Variants in ATG7 observed in about 807,000 individuals in gnomAD.
The protein encoded by ATG7 is ubiquitin-like modifier-activating enzyme ATG7.
ATG7 carries 70 observed loss-of-function variants against 82.4 expected under a neutral mutation model. The ratio of observed to expected loss-of-function variants is 0.85; its 90% CI spans 0.70 to 1.04. The LOEUF is 1.04. ATG7 is among the 50% of genes least tolerant of loss of function. The pLI, the probability that ATG7 is intolerant of heterozygous loss-of-function variation, is 0.00. For synonymous variants in ATG7, 287 were observed against 313.0 expected (o/e 0.92, Z 0.88); for missense variants, 792 against 864.3 (o/e 0.92, Z 1.05).
chr3:11,538,104 T>C (rs574582573), intron 20 of ATG7, among the ~76,000 whole-genome samples: 1 of 152,300 alleles, frequency 6.6e-6, no homozygotes, highest in African/African-American at 2.4e-5. Flanking sequence ...CTGACAGATG[T>C]TCCTGAGGGC....
intron 20 of ATG7, among the ~76,000 whole-genome samples, chr3:11,485,933 T>A (rs375280188): frequency 6.6e-6 from 1 of 152,180 alleles, no homozygotes; most frequent in African/African-American, 2.4e-5. Flanking sequence ...CATGCTGTTT[T>A]GGTTACTGTA....
At chr3:11,422,126 A>G (rs979971591) in intron 19 of ATG7, among the ~76,000 whole-genome samples, 1 of 152,358 alleles carries the variant, frequency 6.6e-6, no homozygotes, top group South Asian at 2.1e-4. Context: ...CATTGGCTTC[A>G]ACTTAAAAGT....
intron 20 of ATG7, among the ~76,000 whole-genome samples, chr3:11,474,333 T>A (rs1303136777): frequency 1.3e-5 from 2 of 152,254 alleles, no homozygotes; most frequent in Admixed American, 1.3e-4. Context: ...GTGCGGTGTT[T>A]CACACCTGTA....
chr3:11,486,089 G>A (rs1183207014), intron 20 of ATG7, among the ~76,000 whole-genome samples: 2 of 152,170 alleles, frequency 1.3e-5, no homozygotes, highest in African/African-American at 4.8e-5. Context: ...AAGGTCCTTG[G>A]TAGCTTGATG....
At chr3:11,479,281 T>C (rs1000136692) in intron 20 of ATG7, among the ~76,000 whole-genome samples, 3 of 152,344 alleles carry the variant, frequency 2.0e-5, no homozygotes, top group African/African-American at 4.8e-5. Flanking sequence ...ATTTTTTCTT[T>C]AGGTGAACTG....
chr3:11,325,697 T>TAA (rs1020457490), intron 9 of ATG7, among the ~76,000 whole-genome samples: 37 of 151,746 alleles, frequency 2.4e-4, no homozygotes, highest in Admixed American at 3.9e-4. Context: ...TTTTATCCTA[T>TAA]AGATGAGAAA....
intron 19 of ATG7, among the ~76,000 whole-genome samples, chr3:11,425,383 C>T (rs746534001): frequency 6.6e-6 from 1 of 152,108 alleles, no homozygotes; most frequent in African/African-American, 2.4e-5. Flanking sequence ...TTTTCATCTT[C>T]TGAAAAGAAA....
At chr3:11,542,553 G>T (rs2070919585) in intron 20 of ATG7, among the ~76,000 whole-genome samples, 1 of 152,200 alleles carries the variant, frequency 6.6e-6, no homozygotes, top group South Asian at 2.1e-4. Flanking sequence ...CCTTCCTGTG[G>T]CCCGTGTACC....
rs573291693 is a variant in ATG7 at position 11,315,458 on chromosome 3, C to G, written c.643C>G (p.His215Asp). 11 of 1,610,862 alleles carry G rather than the reference C, an allele frequency of 6.8e-6. No individual in the cohort carries two copies. In the East Asian group the frequency reaches 2.5e-4, roughly 36 times the overall value. The change falls in exon 9 of 21, where the codon CAC becomes GAC. Residue 215 changes from histidine to aspartate, a missense_variant. Coordinates refer to ENST00000693202, the MANE Select transcript of ATG7 (RefSeq NM_001349232.2). ...CATGGTGCTGGTTTCCTTGCTTAAA[C>G]ACTACAGTGATTTCTTCCAAGGTCA... ...ENMVLVSLLK[H>D]YSDFFQGQRT...
intron 19 of ATG7, among the ~76,000 whole-genome samples, chr3:11,386,717 C>T (rs942681865): frequency 6.6e-6 from 1 of 152,164 alleles, no homozygotes; most frequent in Admixed American, 6.5e-5. Context: ...CTCATTTACC[C>T]AGCAAGGCCT....
chr3:11,305,738 C>T (rs1947615355), intron 5 of ATG7, among the ~76,000 whole-genome samples: 1 of 152,188 alleles, frequency 6.6e-6, no homozygotes, highest in South Asian at 2.1e-4. Flanking sequence ...GCTAGCTCTC[C>T]CTGAGGACTT....
intron 20 of ATG7, among the ~76,000 whole-genome samples, chr3:11,502,328 C>T (rs918298874): frequency 6.8e-6 from 1 of 147,970 alleles, no homozygotes; most frequent in African/African-American, 2.5e-5. Context: ...CACCCACTAA[C>T]TCGTCATCTA....
At chr3:11,364,792 G>A in intron 18 of ATG7, 58 bp downstream of exon 18, 1 of 1,579,260 alleles carries the variant, frequency 6.3e-7, no homozygotes, top group South Asian at 1.1e-5. Flanking sequence ...AGCATGTGGG[G>A]TCTCTTTGCC....
intron 20 of ATG7, among the ~76,000 whole-genome samples, chr3:11,537,430 G>A (rs2070413786): frequency 6.6e-6 from 1 of 152,192 alleles, no homozygotes; most frequent in Non-Finnish European, 1.5e-5. Flanking sequence ...TCCCAGTCAT[G>A]GCTGATCAGC....
intron 20 of ATG7, among the ~76,000 whole-genome samples, chr3:11,437,070 A>G (rs1279818688): frequency 6.6e-6 from 1 of 152,238 alleles, no homozygotes; most frequent in Non-Finnish European, 1.5e-5. Flanking sequence ...TGAATTATCA[A>G]TACAGATGTT....
At chr3:11,526,874 G>A (rs1367455144) in intron 20 of ATG7, among the ~76,000 whole-genome samples, 1 of 152,016 alleles carries the variant, frequency 6.6e-6, no homozygotes, top group Non-Finnish European at 1.5e-5. Context: ...TTTTATTAAG[G>A]AAGTTCCCTT....
At chr3:11,314,422 T>TGTG (rs1217227212) in intron 8 of ATG7, among the ~76,000 whole-genome samples, 1 of 151,826 alleles carries the variant, frequency 6.6e-6, no homozygotes, top group Non-Finnish European at 1.5e-5. Context: ...TTTTTGTTGT[T>TGTG]GTTCGTACAA....
chr3:11,385,626 T>C (rs1347856495), intron 19 of ATG7, among the ~76,000 whole-genome samples: 1 of 152,186 alleles, frequency 6.6e-6, no homozygotes, highest in Non-Finnish European at 1.5e-5. Flanking sequence ...TCTGTCCTCT[T>C]GTTACGGCAT....
intron 20 of ATG7, among the ~76,000 whole-genome samples, chr3:11,549,434 A>G (rs570592757): frequency 1.3e-5 from 2 of 152,294 alleles, no homozygotes; most frequent in African/African-American, 2.4e-5. Flanking sequence ...CCTGTGCTGT[A>G]TATCAGACCT....
Sources: gnomAD v4.1 joint callset for allele counts (sites outside exome capture counted in the v4.1 genomes callset) on GRCh38, gnomAD v4.1.1 for gene constraint, MANE v1.5 for transcripts, NCBI Gene and HGNC (gene_info 2026-07-23, HGNC 2026-07-21) for gene names.